The following TCERG1L variants were observed in gnomAD, a reference collection of about 807,000 sequenced individuals.
TCERG1L encodes the protein transcription elongation regulator 1 like.
TCERG1L carries 37 observed loss-of-function variants against 56.3 expected under a neutral mutation model. The ratio of observed to expected loss-of-function variants is 0.66; its 90% confidence interval spans 0.51 to 0.87. The LOEUF (loss-of-function observed/expected upper bound fraction) is 0.87, where lower values mean the gene tolerates loss of function less well. TCERG1L is among the 40% of genes least tolerant of loss of function. The pLI is 0.00. For missense variants in TCERG1L, 799 were observed against 774.2 expected, an observed-to-expected ratio of 1.03 and a Z score of -0.38; for synonymous variants, 324 against 326.3, an observed-to-expected ratio of 0.99 and a Z score of 0.08.
intron 6 of TCERG1L, among the ~76,000 whole-genome samples, chr10:131,147,740 A>G (rs1192362748): frequency 6.6e-6 from 1 of 152,228 alleles, no homozygotes; most frequent in Admixed American, 6.5e-5. Context: ...ACCCACCTCT[A>G]GCTATTGACT....
At chr10:131,258,284 G>C (rs1846195412) in intron 4 of TCERG1L, among the ~76,000 whole-genome samples, 2 of 152,250 alleles carry the variant, frequency 1.3e-5, no homozygotes, top group Admixed American at 1.3e-4. Context: ...GGCGCAGATA[G>C]GCCAGCTCTC....
intron 7 of TCERG1L, among the ~76,000 whole-genome samples, chr10:131,136,161 G>A (rs1748325130): frequency 6.6e-6 from 1 of 152,226 alleles, no homozygotes; most frequent in African/African-American, 2.4e-5. Flanking sequence ...GATAATAACT[G>A]GGGGGCCATG....
intron 3 of TCERG1L, among the ~76,000 whole-genome samples, chr10:131,281,487 T>C (rs1288507124): frequency 6.6e-6 from 1 of 152,048 alleles, no homozygotes; most frequent in Non-Finnish European, 1.5e-5. Flanking sequence ...CACCACCTTG[T>C]CCATATGAAA....
At chr10:131,176,247 C>T (rs60165603) in intron 4 of TCERG1L, among the ~76,000 whole-genome samples, 15,129 of 151,840 alleles carry the variant, frequency 0.1, 1,335 homozygotes, top group African/African-American at 0.24. Context: ...CGTGCACACA[C>T]ACAGAGACGG....
chr10:131,303,328 A>C (rs370441333), intron 3 of TCERG1L, among the ~76,000 whole-genome samples: 1 of 152,106 alleles, frequency 6.6e-6, no homozygotes, highest in Non-Finnish European at 1.5e-5. Context: ...TCTAACTGGC[A>C]TAAGATGGTA....
intron 3 of TCERG1L, among the ~76,000 whole-genome samples, chr10:131,277,211 C>A (rs564627154): frequency 6.6e-5 from 10 of 152,164 alleles, no homozygotes; most frequent in Non-Finnish European, 1.2e-4. Context: ...TCCTCCACCC[C>A]ACGAGTGAAT....
At chr10:131,257,319 GC>G (rs925992019) in intron 4 of TCERG1L, among the ~76,000 whole-genome samples, 1 of 152,206 alleles carries the variant, frequency 6.6e-6, no homozygotes, top group Non-Finnish European at 1.5e-5. Context: ...GCAGGGACCA[GC>G]CTTCCCGCCC....
At position 131,308,383 on chromosome 10, in the gene TCERG1L, A is replaced by T. The variant is rs2133588839; in HGVS notation, c.498T>A (p.Phe166Leu). 1 of 1,612,546 alleles carries T rather than the reference A, an allele frequency of 6.2e-7. No homozygotes were observed. The highest frequency in any genetic ancestry group is 1.7e-4 in the Middle Eastern group (1 of 6,042). ...DKRIPNCKIFFNNSFALDSTW... is the reference protein window; with the variant it reads ...DKRIPNCKIFLNNSFALDSTW... ...TTGAGTCCAGAGCAAAGGAATTATT[A>T]AAAAAGATCTGTCGAAAAATAATGC... is the stretch of plus-strand genomic sequence containing the variant. The change falls in exon 3 of 12, where the codon TTT becomes TTA. Residue 166 changes from phenylalanine to leucine, a missense_variant. By Grantham distance (22) the Phe-to-Leu change is conservative. Coordinates refer to ENST00000368642, the MANE Select transcript of TCERG1L (RefSeq NM_174937.4).
chr10:131,096,701 C>A (rs10829899), intron 11 of TCERG1L, among the ~76,000 whole-genome samples: 1 of 151,890 alleles, frequency 6.6e-6, no homozygotes, highest in Non-Finnish European at 1.5e-5. Flanking sequence ...GAGATCCAGA[C>A]CATCCTGGCT....
At chr10:131,304,662 C>A (rs1846802229) in intron 3 of TCERG1L, among the ~76,000 whole-genome samples, 1 of 152,094 alleles carries the variant, frequency 6.6e-6, no homozygotes. Flanking sequence ...GGAAGAATTT[C>A]TTTGAAAGCT....
rs551924938 is a variant in TCERG1L at position 131,154,865 on chromosome 10, G to A, written c.1035-8205C>T. On this transcript the variant is annotated intron_variant, in intron 6 of 11. Coordinates refer to ENST00000368642, the MANE Select transcript of TCERG1L (RefSeq NM_174937.4). ...GTGCTGGAACTGAAGGGGCAGCCTG[G>A]GCCAGGCACCTGCCGCGTGACTGTG... is the stretch of plus-strand genomic sequence containing the variant. Among the ~76,000 whole-genome samples, 27 of 152,358 alleles carry A rather than the reference G, an allele frequency of 1.8e-4. No individual in the cohort carries two copies. In the South Asian group the frequency reaches 5.0e-3, roughly 28 times the overall value.
chr10:131,285,524 G>GAA (rs1371505187), intron 3 of TCERG1L, among the ~76,000 whole-genome samples: 420 of 18,890 alleles, frequency 0.022, 38 homozygotes, highest in South Asian at 0.047. Flanking sequence ...AAGAAAGAAA[G>GAA]AGAGAAAGAA....
At chr10:131,226,644 G>A (rs1845793557) in intron 4 of TCERG1L, among the ~76,000 whole-genome samples, 1 of 152,202 alleles carries the variant, frequency 6.6e-6, no homozygotes, top group African/African-American at 2.4e-5. Context: ...GCTGGCGTGA[G>A]GGAGGGAAAC....
chr10:131,102,950 T>C (rs1589774928), intron 10 of TCERG1L, among the ~76,000 whole-genome samples: 2 of 152,096 alleles, frequency 1.3e-5, no homozygotes, highest in African/African-American at 4.8e-5. Flanking sequence ...GGACCTACTT[T>C]GTGAAAAGCT....
chr10:131,144,898 C>A (rs4751329), intron 7 of TCERG1L, among the ~76,000 whole-genome samples: 4 of 152,132 alleles, frequency 2.6e-5, no homozygotes, highest in Admixed American at 6.5e-5. Context: ...ACAGTCCTGG[C>A]GAGCCCTGAG....
intron 7 of TCERG1L, among the ~76,000 whole-genome samples, chr10:131,135,850 A>G (rs11591970): frequency 0.26 from 39,213 of 152,244 alleles, 5,590 homozygotes; most frequent in East Asian, 0.34. Flanking sequence ...AGGAATTCCC[A>G]TGGGCAGTGC....
chr10:131,220,171 G>A (rs1449945299), intron 4 of TCERG1L, among the ~76,000 whole-genome samples: 2 of 152,186 alleles, frequency 1.3e-5, no homozygotes, highest in Non-Finnish European at 2.9e-5. Context: ...TCCCTGCCAT[G>A]CGAAGGGGAC....
At chr10:131,305,092 T>C (rs750489223) in intron 3 of TCERG1L, among the ~76,000 whole-genome samples, 1 of 152,106 alleles carries the variant, frequency 6.6e-6, no homozygotes, top group Non-Finnish European at 1.5e-5. Context: ...ACAGAGGCCT[T>C]CCCTGAGGAT....
At chr10:131,310,713 C>G (rs1049417279) in intron 1 of TCERG1L, among the ~76,000 whole-genome samples, 10 of 152,166 alleles carry the variant, frequency 6.6e-5, no homozygotes, top group Non-Finnish European at 7.3e-5. Context: ...TCCGGCAGGC[C>G]TGGGGCAGGG....
Sources: allele counts gnomAD v4.1 joint callset (sites outside exome capture counted in the v4.1 genomes callset), GRCh38; gene constraint gnomAD v4.1.1; transcripts MANE v1.5; gene names NCBI Gene and HGNC (gene_info 2026-07-23, HGNC 2026-07-21).